RALYL: variants seen among roughly 807,000 people sequenced by gnomAD.
RALYL encodes RNA-binding Raly-like protein.
In RALYL, 29 loss-of-function variants were observed where a neutral mutation model predicts 35.1. That is an observed-to-expected ratio of 0.83 (90% CI 0.61 to 1.13). The LOEUF (loss-of-function observed/expected upper bound fraction) is 1.13. Ranked by LOEUF, RALYL falls within the 50% of genes most tolerant of loss-of-function variation. RALYL has a pLI of 0.00. For synonymous variants in RALYL, 120 were observed against 127.6 expected, an observed-to-expected ratio of 0.94 and a Z score of 0.40; for missense variants, 359 against 360.4, an observed-to-expected ratio of 1.00 and a Z score of 0.03.
chr8:84,874,037 G>A (rs1840682413), intron 7 of RALYL, among the ~76,000 whole-genome samples: 1 of 152,140 alleles, frequency 6.6e-6, no homozygotes, highest in Admixed American at 6.5e-5. Flanking sequence ...ACAAGTATAT[G>A]AGACCTGGTA....
At chr8:84,196,604 C>G in intron 1 of RALYL, among the ~76,000 whole-genome samples, 1 of 152,156 alleles carries the variant, frequency 6.6e-6, no homozygotes, top group East Asian at 1.9e-4. Flanking sequence ...AGAACAGCCA[C>G]ATTTCAGGAG....
intron 1 of RALYL, among the ~76,000 whole-genome samples, chr8:84,426,928 C>T (rs1199002830): frequency 6.6e-6 from 1 of 152,028 alleles, no homozygotes; most frequent in African/African-American, 2.4e-5. Flanking sequence ...ATGGAACTAC[C>T]ATATGATCTT....
At chr8:84,697,573 A>G (rs564488267) in intron 2 of RALYL, among the ~76,000 whole-genome samples, 168 of 152,086 alleles carry the variant, frequency 1.1e-3, no homozygotes, top group Non-Finnish European at 4.3e-4. Flanking sequence ...TAGAATCACA[A>G]TATATGCACC....
chr8:84,639,999 G>C (rs1377878545), intron 2 of RALYL, among the ~76,000 whole-genome samples: 2 of 151,974 alleles, frequency 1.3e-5, no homozygotes, highest in Admixed American at 1.3e-4. Flanking sequence ...TTAGGCATCT[G>C]TGTGCCCATC....
intron 2 of RALYL, among the ~76,000 whole-genome samples, chr8:84,595,763 GT>G (rs35714907): frequency 0.013 from 1,505 of 120,188 alleles, 12 homozygotes; most frequent in South Asian, 0.033. Context: ...AAAACCATAA[GT>G]TTTTTTTTTT....
At chr8:84,772,608 C>T (rs75336581) in intron 2 of RALYL, among the ~76,000 whole-genome samples, 1 of 151,816 alleles carries the variant, frequency 6.6e-6, no homozygotes, top group Non-Finnish European at 1.5e-5. Flanking sequence ...AAATAATATA[C>T]TTTAGACTGT....
intron 4 of RALYL, among the ~76,000 whole-genome samples, chr8:84,827,869 T>C (rs990434090): frequency 6.6e-6 from 1 of 152,116 alleles, no homozygotes; most frequent in Non-Finnish European, 1.5e-5. Flanking sequence ...CATAAGTATC[T>C]TTAACAAATG....
intron 2 of RALYL, among the ~76,000 whole-genome samples, chr8:84,621,432 G>A (rs915910749): frequency 2.0e-5 from 3 of 152,148 alleles, no homozygotes; most frequent in African/African-American, 4.8e-5. Context: ...CCGGAGTGAG[G>A]CAATGCCTCA....
rs141861940 is a variant in RALYL, at chr8:84,283,024, T to G, written c.-24+98600T>G. ...TAGTAAACAATAATTAGAATAATTA[T>G]AATAATTAGAAATGTAGTCATTCCA... On this transcript the variant is annotated intron_variant, in intron 1 of 8. Transcript: ENST00000521268. Among the ~76,000 whole-genome samples the G allele has an allele frequency of 3.4e-3, 512 of 151,978 alleles. 1 individual carries two copies. Among genetic ancestry groups the G allele is most frequent in the African/African-American group, 0.01 (425 of 41,476 alleles).
intron 2 of RALYL, among the ~76,000 whole-genome samples, chr8:84,658,179 A>G (rs1830291055): frequency 2.6e-5 from 4 of 152,168 alleles, no homozygotes; most frequent in Admixed American, 2.6e-4. Context: ...TCAACTGCAC[A>G]TGCCCACATT....
chr8:84,387,011 A>T (rs1202088153), intron 1 of RALYL, among the ~76,000 whole-genome samples: 1 of 151,810 alleles, frequency 6.6e-6, no homozygotes, highest in Non-Finnish European at 1.5e-5. Flanking sequence ...GTTCCCTTAG[A>T]TAAGGCTTGT....
At chr8:84,559,262 G>A (rs753684540) in intron 2 of RALYL, among the ~76,000 whole-genome samples, 22 of 151,876 alleles carry the variant, frequency 1.4e-4, no homozygotes, top group Non-Finnish European at 2.8e-4. Context: ...GAATTATTTT[G>A]AAATCATAAA....
At chr8:84,848,921 G>A (rs1349600629) in intron 4 of RALYL, among the ~76,000 whole-genome samples, 8 of 152,030 alleles carry the variant, frequency 5.3e-5, no homozygotes, top group Admixed American at 3.9e-4. Context: ...GGGGAGTGTT[G>A]CGAGATGTTG....
intron 1 of RALYL, among the ~76,000 whole-genome samples, chr8:84,484,761 C>G (rs1029618874): frequency 6.6e-6 from 1 of 152,022 alleles, no homozygotes; most frequent in African/African-American, 2.4e-5. Flanking sequence ...ATTTAATTAT[C>G]AACATTAACT....
intron 4 of RALYL, among the ~76,000 whole-genome samples, chr8:84,809,570 T>A (rs1445161538): frequency 6.6e-6 from 1 of 152,172 alleles, no homozygotes; most frequent in Non-Finnish European, 1.5e-5. Flanking sequence ...CAATTCTTCT[T>A]TGAATGTCTG....
At chr8:84,803,898 A>G (rs1415821199) in intron 3 of RALYL, among the ~76,000 whole-genome samples, 16 of 152,214 alleles carry the variant, frequency 1.1e-4, no homozygotes. Flanking sequence ...ACCAGGATTT[A>G]GTTAAAAATA....
intron 1 of RALYL, among the ~76,000 whole-genome samples, chr8:84,324,363 C>T (rs544434591): frequency 6.6e-6 from 1 of 151,794 alleles, no homozygotes; most frequent in Non-Finnish European, 1.5e-5. Flanking sequence ...ACAAAATGAA[C>T]TTTGAGTGGT....
chr8:84,908,260 C>G (rs1213144784), intron 8 of RALYL, among the ~76,000 whole-genome samples: 1 of 152,110 alleles, frequency 6.6e-6, no homozygotes, highest in Non-Finnish European at 1.5e-5. Flanking sequence ...ATACATTGCA[C>G]TGTTATTAAC....
intron 1 of RALYL, among the ~76,000 whole-genome samples, chr8:84,239,890 CAAATAAATAAATAA>C (rs1048590176): frequency 6.6e-6 from 1 of 151,760 alleles, no homozygotes; most frequent in African/African-American, 2.4e-5. Flanking sequence ...GACTCCATCT[CAAATAAATAAATAA>C]AAATAAATAA....
Sources: allele counts gnomAD v4.1 joint callset (sites outside exome capture counted in the v4.1 genomes callset), GRCh38; gene constraint gnomAD v4.1.1; transcripts MANE v1.5; gene names NCBI Gene and HGNC (gene_info 2026-07-23, HGNC 2026-07-21).